IL1RN: variants seen among roughly 807,000 people sequenced by gnomAD.
IL1RN encodes interleukin 1 receptor antagonist, also known as interleukin-1 receptor antagonist protein.
A neutral mutation model predicts 13.7 loss-of-function variants in IL1RN; 10 were observed. The ratio of observed to expected loss-of-function variants is 0.73; its 90% CI spans 0.45 to 1.24. The LOEUF is 1.24. IL1RN is among the 50% of genes most tolerant of loss of function. The pLI is 0.00. For missense variants in IL1RN, 213 were observed against 222.1 expected (o/e 0.96, Z 0.26); for synonymous variants, 102 against 82.7 (o/e 1.23, Z -1.27).
upstream of IL1RN, among the ~76,000 whole-genome samples, chr2:113,108,216 T>A (rs1438918912): frequency 6.6e-6 from 1 of 152,090 alleles, no homozygotes; most frequent in Non-Finnish European, 1.5e-5. Context: ...ACAGTGGCAG[T>A]CGAGTCCTTC....
At chr2:113,119,912 A>G (rs957299608) in intron 1 of IL1RN, among the ~76,000 whole-genome samples, 2 of 152,108 alleles carry the variant, frequency 1.3e-5, no homozygotes, top group African/African-American at 4.8e-5. Flanking sequence ...GACGGGGTGC[A>G]TACTCGGACT....
Position 113,120,369 on chromosome 2 carries a change from C to T in IL1RN, c.73+241C>T, listed in dbSNP as rs560092167. ...GTATGTATGTATGTATGTATGTATG[C>T]ATGTATCTATCTATCTGTTGTCTAA... On this transcript the variant is annotated intron_variant, in intron 2 of 5. Coordinates refer to the IL1RN transcript ENST00000259206. Among the ~76,000 whole-genome samples, 3 of 150,946 alleles carry T rather than the reference C, an allele frequency of 2.0e-5. No homozygotes were observed. Among genetic ancestry groups the T allele is most frequent in the Non-Finnish European group, 4.4e-5 (3 of 67,804 alleles).
At chr2:113,103,302 A>G (rs1686342000), upstream of IL1RN, among the ~76,000 whole-genome samples, 1 of 152,248 alleles carries the variant, frequency 6.6e-6, no homozygotes, top group Non-Finnish European at 1.5e-5. Context: ...AGTCAATTAA[A>G]GTGTTACCTA....
chr2:113,132,802 C>G lies in IL1RN; in HGVS notation c.465C>G (p.Pro155=). ...GCACAGCGATGGAAGCTGACCAGCC[C>G]GTCAGCCTCACCAATATGCCTGACG... ...FLCTAMEADQ[P]VSLTNMPDEG... The change falls in exon 4 of 4, where the codon CCC becomes CCG. Residue 155 remains proline, a synonymous_variant. Transcript: ENST00000409930. 6.2e-7 allele frequency: 1 copy of G among 1,614,242 alleles called. No individual in the cohort carries two copies. Among genetic ancestry groups the G allele is most frequent in the Non-Finnish European group, 8.5e-7 (1 of 1,180,034 alleles).
Position 113,121,492 on chromosome 2 carries a change from G to A in IL1RN, c.73+1364G>A, listed in dbSNP as rs1686781964. 6 of 985,464 alleles carry A rather than the reference G, an allele frequency of 6.1e-6. No homozygotes were observed. The South Asian group carries it at 2.8e-4, about 46-fold the overall frequency. 61.0% of individuals were successfully genotyped at this position (985,464 alleles called of 1,614,324 possible). On this transcript the variant is annotated intron_variant, in intron 2 of 5. Coordinates refer to the IL1RN transcript ENST00000259206. The stretch of plus-strand genomic sequence containing the variant: ...ATCAAAGCCAAGAAGGCAAGAGCAA[G>A]CATGTACCGCTGAAAACACAAGATA...
the IL1RN span, among the ~76,000 whole-genome samples, chr2:113,099,827 C>T: frequency 4.1e-3 from 583 of 143,360 alleles, 6 homozygotes; most frequent in African/African-American, 0.014. Flanking sequence ...CTCCGCCTCC[C>T]GGGTTCACGC....
the IL1RN span, among the ~76,000 whole-genome samples, chr2:113,101,822 C>CAATG: frequency 1.3e-5 from 2 of 152,088 alleles, no homozygotes; most frequent in African/African-American, 4.8e-5. Flanking sequence ...GGCTGGAGTG[C>CAATG]AATGGCGTGA....
chr2:113,129,549 C>T (rs1425481388), intron 1 of IL1RN, 27 bp from the exon 2 acceptor site: 1 of 1,473,316 alleles, frequency 6.8e-7, no homozygotes, highest in Admixed American at 1.7e-5. Context: ...TGGCTGTGCA[C>T]TACAGCTGAG....
Position 113,121,056 on chromosome 2 carries a change from C to A in IL1RN, c.73+928C>A, listed in dbSNP as rs1686760987. 5.0e-5 allele frequency among the ~76,000 whole-genome samples: 6 copies of A among 120,180 alleles called. No individual in the cohort carries two copies. The South Asian group carries it at 2.1e-3, about 42-fold the overall frequency. The allele number at this position is 120,180 out of a possible 152,430, so 78.8% of individuals were successfully genotyped here. A position where few individuals can be genotyped will look rare whatever the true frequency, so the allele number is the denominator to read the frequency against. ...TCTTCTTCTTCTTCCTCTTCTTCTT[C>A]TTCCTCCTCCTCCTCCTCCTCTTCT... On this transcript the variant is annotated intron_variant, in intron 2 of 5. Transcript: ENST00000259206.
upstream of IL1RN, among the ~76,000 whole-genome samples, chr2:113,102,427 T>C (rs940816724): frequency 1.3e-5 from 2 of 152,202 alleles, no homozygotes; most frequent in African/African-American, 4.8e-5. Flanking sequence ...ATGTGGATTG[T>C]GGAGGGATTC....
the IL1RN span, among the ~76,000 whole-genome samples, chr2:113,100,320 C>T: frequency 3.5e-5 from 5 of 142,744 alleles, no homozygotes; most frequent in East Asian, 4.1e-4. Context: ...AGCGAGACTC[C>T]GTCTCAAAAA....
intron 2 of IL1RN, chr2:113,129,926 G>A (rs1478740244): frequency 3.8e-5 from 18 of 472,130 alleles, no homozygotes; most frequent in Non-Finnish European, 6.7e-5. Context: ...AGCTGGGAAG[G>A]GCAAATACCA....
chr2:113,110,478 C>T (rs1208900468), upstream of IL1RN, among the ~76,000 whole-genome samples: 1 of 152,166 alleles, frequency 6.6e-6, no homozygotes, highest in Non-Finnish European at 1.5e-5. Context: ...ACATTCACCT[C>T]TCACACAGTT....
chr2:113,106,225 A>G (rs1318203679), upstream of IL1RN, among the ~76,000 whole-genome samples: 1 of 152,202 alleles, frequency 6.6e-6, no homozygotes, highest in Non-Finnish European at 1.5e-5. Flanking sequence ...AAAATAAGCA[A>G]AGGGTCTTTC....
chr2:113,111,438 T>C (rs1189823423), intron 1 of IL1RN, among the ~76,000 whole-genome samples: 4 of 152,204 alleles, frequency 2.6e-5, no homozygotes, highest in African/African-American at 9.6e-5. Context: ...GATAATAATA[T>C]ATTCTGAATA....
chr2:113,120,206 A>C (rs892026390), intron 2 of IL1RN: 1 of 955,358 alleles, frequency 1.0e-6, no homozygotes, highest in Non-Finnish European at 1.7e-6. Context: ...TATGTAGTTG[A>C]AGGAAATTAA....
rs761256292 is a variant in IL1RN, at chr2:113,132,831, G to T, written c.494G>T (p.Gly165Val). ...AGCCTCACCAATATGCCTGACGAAG[G>T]CGTCATGGTCACCAAATTCTACTTC... Reference protein sequence around the residue: ...PVSLTNMPDEGVMVTKFYFQE... With the variant: ...PVSLTNMPDEVVMVTKFYFQE... Residue 165 changes from glycine (G) to valine (V), a missense_variant, in exon 4 of 4, where the codon GGC (glycine) becomes GTC (valine). Transcript: ENST00000409930. 8.1e-6 allele frequency: 13 copies of T among 1,614,128 alleles called. No individual in the cohort carries two copies. In the Middle Eastern group the frequency reaches 4.9e-4, roughly 61 times the overall value.
upstream of IL1RN, among the ~76,000 whole-genome samples, chr2:113,107,647 C>T (rs1262327921): frequency 1.3e-5 from 2 of 151,580 alleles, no homozygotes; most frequent in East Asian, 1.9e-4. Flanking sequence ...GCAGGAGAAT[C>T]GCTTGAACCC....
intron 2 of IL1RN, among the ~76,000 whole-genome samples, chr2:113,122,573 C>T (rs1686814195): frequency 6.6e-6 from 1 of 152,226 alleles, no homozygotes; most frequent in Non-Finnish European, 1.5e-5. Context: ...ACCAGCACAA[C>T]ACTGCCCTGC....
Sources: gnomAD v4.1 joint callset for allele counts (sites outside exome capture counted in the v4.1 genomes callset) on GRCh38, gnomAD v4.1.1 for gene constraint, MANE v1.5 for transcripts, NCBI Gene and HGNC (gene_info 2026-07-23, HGNC 2026-07-21) for gene names.